PRRC2C: variants seen among roughly 807,000 people sequenced by gnomAD.
PRRC2C encodes proline rich coiled-coil 2C, also known as protein PRRC2C.
Under a neutral mutation model 317.2 loss-of-function variants are expected in PRRC2C, and 72 were observed. The ratio of observed to expected loss-of-function variants is 0.23; its 90% CI spans 0.19 to 0.28. The LOEUF (loss-of-function observed/expected upper bound fraction) is 0.28. PRRC2C is among the 10% of genes least tolerant of loss of function. The pLI, the probability that PRRC2C is intolerant of heterozygous loss-of-function variation, is 1.00. For synonymous variants in PRRC2C, 1,296 were observed against 1,205.9 expected (o/e 1.07, Z -1.55); for missense variants, 3,074 against 3,459.7 (o/e 0.89, Z 2.80).
chr1:171,591,507 A>C (rs1403014617), intron 34 of PRRC2C, 80 bp from the exon 35 acceptor site: 1 of 1,527,668 alleles, frequency 6.5e-7, no homozygotes, highest in Non-Finnish European at 8.9e-7. Context: ...TGTGATTGGT[A>C]AAAGAATTTG....
In PRRC2C at chr1:171,575,089, A is replaced by G; in HGVS notation, c.6916A>G (p.Ile2306Val). 1.2e-6 allele frequency: 2 copies of G among 1,613,900 alleles called. No individual in the cohort carries two copies. Among genetic ancestry groups the G allele is most frequent in the Non-Finnish European group, 1.7e-6 (2 of 1,179,866 alleles). Residue 2306 changes from isoleucine (I) to valine (V), a missense_variant, in exon 25 of 35, where the codon ATT (isoleucine) becomes GTT (valine). Around this residue, in one of 11 missense-constraint regions of PRRC2C, gnomAD observed 490 missense variants for 663.1 expected, o/e 0.74. Transcript: ENST00000647382. ...GTTCTCAAGTGCATCCATGCCCCAG[A>G]TTCCTGTTGCTTCAGTCACTCCTAC... ...NSFSSASMPQ[I>V]PVASVTPTAS...
chr1:171,566,445 T>C (rs931680782), intron 21 of PRRC2C, 24 bp downstream of exon 21: 1 of 1,528,834 alleles, frequency 6.5e-7, no homozygotes, highest in Admixed American at 2.2e-5. Context: ...ATAATCCAGA[T>C]AAAATTTTAT....
rs865846201 is a variant in PRRC2C, at chr1:171,557,868, C to T, written c.5756C>T (p.Thr1919Ile). 7 of 1,446,880 alleles carry T rather than the reference C, an allele frequency of 4.8e-6. No homozygotes were observed. The South Asian group carries it at 8.7e-5, about 18-fold the overall frequency. The allele number at this position is 1,446,880 out of a possible 1,614,324, so 89.6% of individuals were successfully genotyped here. A position where few individuals can be genotyped will look rare whatever the true frequency, so the allele number is the denominator to read the frequency against. The change falls in exon 19 of 35, where the codon ACC becomes ATC. Residue 1919 changes from threonine (T) to isoleucine (I), a missense_variant. Coordinates refer to ENST00000647382, the MANE Select transcript of PRRC2C (RefSeq NM_001387844.1). ...ASASAPAPAPTPVSAPNPAPP... is the reference protein window; with the variant it reads ...ASASAPAPAPIPVSAPNPAPP... ...GCTTCAGCCCCAGCCCCAGCCCCTA[C>T]CCCAGTCTCAGCCCCAAATCCTGCC...
chr1:171,552,919 A>G (rs1680580689), intron 18 of PRRC2C, among the ~76,000 whole-genome samples: 2 of 152,106 alleles, frequency 1.3e-5, no homozygotes, highest in East Asian at 3.8e-4. Context: ...TTGGTCTAAA[A>G]TTCTCTATTT....
In PRRC2C at chr1:171,537,492, T is replaced by G. The variant is rs1677044613; in HGVS notation, c.2504+19T>G. On this transcript the variant is annotated intron_variant, in intron 15 of 34. Coordinates refer to ENST00000647382, the MANE Select transcript of PRRC2C (RefSeq NM_001387844.1). ...ATGTAAGGTAATAAATTATTTCAAT[T>G]TAATAGATGATACAGAATATTTTGG... 6.5e-7 allele frequency: 1 copy of G among 1,537,162 alleles called. No homozygotes were observed. The highest frequency in any genetic ancestry group is 2.4e-5 in the East Asian group (1 of 40,922).
rs972569151 is a variant in PRRC2C, at chr1:171,536,218, T to C, written c.2233T>C (p.Tyr745His). 5 of 1,613,566 alleles carry C rather than the reference T, an allele frequency of 3.1e-6. No individual in the cohort carries two copies. The highest frequency in any genetic ancestry group is 2.7e-5 in the African/African-American group (2 of 74,932). The change falls in exon 14 of 35, where the codon TAC becomes CAC. Residue 745 changes from tyrosine to histidine, a missense_variant. Around this residue, in one of 11 missense-constraint regions of PRRC2C, gnomAD observed 1,320 missense variants for 1,395.7 expected, o/e 0.95. Transcript: ENST00000647382. ...FDPRWLMMQS[Y>H]MDPRMMSGRP... ...TCCAAGGTGGCTCATGATGCAGTCC[T>C]ACATGGATCCTCGAATGATGTCAGG...
intron 17 of PRRC2C, among the ~76,000 whole-genome samples, chr1:171,546,523 A>C (rs1427884795): frequency 1.3e-5 from 2 of 152,226 alleles, no homozygotes; most frequent in Admixed American, 1.3e-4. Context: ...TTTTTTGACC[A>C]GTGGTTCTCA....
At chr1:171,558,992 A>C (rs1357348887) in intron 19 of PRRC2C, among the ~76,000 whole-genome samples, 1 of 152,250 alleles carries the variant, frequency 6.6e-6, no homozygotes, top group East Asian at 1.9e-4. Flanking sequence ...ATCCAGACAC[A>C]ACATTCCCTT....
chr1:171,591,878 GGGGGCGGGA>G lies in PRRC2C; in HGVS notation c.*32_*40del. ...ATGGTTTATTGCAGGGGATTGGGAG[GGGGGCGGGA>G]AAACATGGAGAATTAAGTCAGATAA... On this transcript the variant is annotated 3_prime_UTR_variant, in exon 35 of 35. Transcript: ENST00000647382. The G allele has an allele frequency of 4.7e-6, 3 of 631,954 alleles. No homozygotes were observed. Among genetic ancestry groups the G allele is most frequent in the Non-Finnish European group, 8.0e-6 (3 of 376,192 alleles). The allele number at this position is 631,954 out of a possible 1,614,324, so 39.1% of individuals were successfully genotyped here. A position where few individuals can be genotyped will look rare whatever the true frequency, so the allele number is the denominator to read the frequency against.
At chr1:171,495,049 CT>C (rs1209069422) in intron 1 of PRRC2C, among the ~76,000 whole-genome samples, 1 of 152,140 alleles carries the variant, frequency 6.6e-6, no homozygotes, top group Non-Finnish European at 1.5e-5. Flanking sequence ...TATGGATAAA[CT>C]GAACAGTTTT....
chr1:171,500,007 A>G (rs887547255), intron 1 of PRRC2C, among the ~76,000 whole-genome samples: 4 of 152,028 alleles, frequency 2.6e-5, no homozygotes, highest in Admixed American at 6.5e-5. Flanking sequence ...ACACTTGTAG[A>G]GTATACTTCT....
intron 10 of PRRC2C, among the ~76,000 whole-genome samples, chr1:171,525,888 G>C (rs1007232593): frequency 5.9e-5 from 9 of 152,150 alleles, no homozygotes; most frequent in Non-Finnish European, 1.3e-4. Context: ...TAGGAGAGAG[G>C]TAAGAGAGCT....
At position 171,569,575 on chromosome 1, in the gene PRRC2C, A is replaced by AATATATATATATAT. The variant is rs60832207; in HGVS notation, c.6651+1241_6651+1254dup. On this transcript the variant is annotated intron_variant, in intron 23 of 34. Transcript: ENST00000647382. ...CCCCCACTTTTATGAAAGTGGTTTA[A>AATATATATATATAT]ATATATATATATATATATGGTTTTT... 3.4e-3 allele frequency among the ~76,000 whole-genome samples: 206 copies of AATATATATATATAT among 60,124 alleles called. 17 individuals are homozygous for AATATATATATATAT. Among genetic ancestry groups the AATATATATATATAT allele is most frequent in the African/African-American group, 6.1e-3 (109 of 17,834 alleles). 39.4% of individuals were successfully genotyped at this position (60,124 alleles called of 152,430 possible). A position where few individuals can be genotyped will look rare whatever the true frequency, so the allele number is the denominator to read the frequency against.
chr1:171,553,965 T>G (rs1680826772), intron 18 of PRRC2C, among the ~76,000 whole-genome samples: 1 of 152,226 alleles, frequency 6.6e-6, no homozygotes, highest in African/African-American at 2.4e-5. Context: ...TGGAGAGTTC[T>G]GTAGATGTCT....
At chr1:171,521,119 T>C (rs1321231614) in intron 6 of PRRC2C, among the ~76,000 whole-genome samples, 1 of 152,158 alleles carries the variant, frequency 6.6e-6, no homozygotes. Flanking sequence ...ATTTCTTCTT[T>C]AGACAGCATA....
At position 171,557,576 on chromosome 1, in the gene PRRC2C, C is replaced by T. The variant is rs1179243547; in HGVS notation, c.5464C>T (p.Pro1822Ser). 1 of 1,551,334 alleles carries T rather than the reference C, an allele frequency of 6.4e-7. No homozygotes were observed. The highest frequency in any genetic ancestry group is 8.7e-7 in the Non-Finnish European group (1 of 1,146,966). Residue 1822 changes from proline to serine, a missense_variant, in exon 19 of 35, where the codon CCA becomes TCA. Physicochemically the swap from Pro to Ser is moderately conservative, Grantham distance 74. Transcript: ENST00000647382. ...CTCAGCCTCAGTCTCAGCTTCAGTTCCAGCCTCTACTTCAGCTGCAGCTAT... is the reference window on the plus strand; with the variant it reads ...CTCAGCCTCAGTCTCAGCTTCAGTTTCAGCCTCTACTTCAGCTGCAGCTAT... The part of the protein sequence containing the change: ...SASASVSASV[P>S]ASTSAAAITS...
intron 24 of PRRC2C, among the ~76,000 whole-genome samples, chr1:171,573,920 G>T (rs1023962914): frequency 6.6e-6 from 1 of 151,546 alleles, no homozygotes; most frequent in Admixed American, 6.6e-5. Context: ...CTCGTGATCC[G>T]CCTGCCTCAG....
intron 22 of PRRC2C, 109 bp downstream of exon 22, chr1:171,566,952 CTATA>C: frequency 8.4e-7 from 1 of 1,195,424 alleles, no homozygotes; most frequent in Non-Finnish European, 1.1e-6. Flanking sequence ...GCATATAACT[CTATA>C]GATTATTTCC....
Position 171,540,446 on chromosome 1 carries a change from CGTT to C in PRRC2C, c.2982_2984del (p.Trp995del). 6.2e-7 allele frequency: 1 copy of C among 1,612,912 alleles called. No individual in the cohort carries two copies. Reference sequence around the variant, plus strand: ...AGTATATAAATCTAAATCAGAAACTCGTTGGGGCCCACGACCAAGCTCTAACAG... The same window carrying C: ...AGTATATAAATCTAAATCAGAAACTCGGGGCCCACGACCAAGCTCTAACAG... On this transcript the variant is annotated inframe_deletion, in exon 16 of 35. Coordinates refer to ENST00000647382, the MANE Select transcript of PRRC2C (RefSeq NM_001387844.1).
Sources: allele counts gnomAD v4.1 joint callset (sites outside exome capture counted in the v4.1 genomes callset), GRCh38; gene constraint gnomAD v4.1.1; regional missense constraint gnomAD v4.1.1; transcripts MANE v1.5; gene names NCBI Gene and HGNC (gene_info 2026-07-23, HGNC 2026-07-21).